The following PRELID2 variants were observed in gnomAD, a reference collection of about 807,000 sequenced individuals.
The protein encoded by PRELID2 is PRELI domain-containing protein 2.
A neutral mutation model predicts 28.4 loss-of-function variants in PRELID2; 25 were observed. The observed-to-expected ratio is 0.88, with a 90% CI of 0.64 to 1.23. The LOEUF is 1.23. Ranked by LOEUF, PRELID2 falls within the 50% of genes most tolerant of loss-of-function variation. PRELID2 has a pLI of 0.00. For missense variants in PRELID2, 201 were observed against 214.4 expected (o/e 0.94, Z 0.39); for synonymous variants, 76 against 71.6 (o/e 1.06, Z -0.31).
chr5:145,349,242 C>G, the PRELID2 span, among the ~76,000 whole-genome samples: 33,464 of 151,968 alleles, frequency 0.22, 3,950 homozygotes, highest in South Asian at 0.34. Context: ...TCAACTAAAC[C>G]CCCTTTTTGA....
At chr5:145,699,051 C>T (rs1318019275) in intron 1 of PRELID2, among the ~76,000 whole-genome samples, 1 of 152,164 alleles carries the variant, frequency 6.6e-6, no homozygotes, top group Non-Finnish European at 1.5e-5. Context: ...ATACCGTCAT[C>T]ACCTTGGGGT....
chr5:145,323,379 TAA>T, the PRELID2 span, among the ~76,000 whole-genome samples: 1 of 152,150 alleles, frequency 6.6e-6, no homozygotes. Flanking sequence ...GAGAAGCCAT[TAA>T]AGAGTGTTAA....
chr5:145,437,578 T>A, the PRELID2 span, among the ~76,000 whole-genome samples: 4 of 152,054 alleles, frequency 2.6e-5, no homozygotes, highest in Non-Finnish European at 5.9e-5. Context: ...TAGAAGACAG[T>A]ATTTCGTGGG....
chr5:145,301,628 G>C, the PRELID2 span, among the ~76,000 whole-genome samples: 1 of 152,018 alleles, frequency 6.6e-6, no homozygotes, highest in Non-Finnish European at 1.5e-5. Flanking sequence ...TAGAAGCTTT[G>C]TATTCTTAGC....
At chr5:145,617,735 T>G (rs1467348019) in intron 1 of PRELID2, among the ~76,000 whole-genome samples, 1 of 149,626 alleles carries the variant, frequency 6.7e-6, no homozygotes, top group East Asian at 2.0e-4. Context: ...TTCTTTCTTT[T>G]TTTTTTTTTT....
the PRELID2 span, among the ~76,000 whole-genome samples, chr5:145,463,457 T>G: frequency 2.6e-5 from 4 of 152,230 alleles, no homozygotes; most frequent in Non-Finnish European, 4.4e-5. Context: ...TTAATTAATT[T>G]TATAGAATTC....
the PRELID2 span, among the ~76,000 whole-genome samples, chr5:145,434,761 A>G: frequency 6.6e-6 from 1 of 152,180 alleles, no homozygotes; most frequent in Admixed American, 6.6e-5. Context: ...TAGTGAATAG[A>G]AGAATATATA....
the PRELID2 span, among the ~76,000 whole-genome samples, chr5:145,243,365 G>C: frequency 6.6e-6 from 1 of 151,914 alleles, no homozygotes; most frequent in African/African-American, 2.4e-5. Flanking sequence ...ATTTATGAAG[G>C]TATAGTCAGG....
intron 1 of PRELID2, among the ~76,000 whole-genome samples, chr5:145,657,201 A>G (rs940963031): frequency 6.6e-6 from 1 of 152,214 alleles, no homozygotes; most frequent in African/African-American, 2.4e-5. Flanking sequence ...GCATGCAAGG[A>G]TTTAGTGTTA....
chr5:145,485,130 A>G (rs931197098), intron 1 of PRELID2, among the ~76,000 whole-genome samples: 1 of 152,250 alleles, frequency 6.6e-6, no homozygotes, highest in African/African-American at 2.4e-5. Flanking sequence ...ATGCTACAAG[A>G]TAATAAAACT....
the PRELID2 span, among the ~76,000 whole-genome samples, chr5:145,421,929 T>G: frequency 9.7e-3 from 1,472 of 152,098 alleles, 29 homozygotes; most frequent in African/African-American, 0.034. Flanking sequence ...TCTGGTATGT[T>G]GTGTCTTTGT....
intron 1 of PRELID2, among the ~76,000 whole-genome samples, chr5:145,586,824 C>T (rs1169692309): frequency 6.6e-6 from 1 of 152,088 alleles, no homozygotes; most frequent in Non-Finnish European, 1.5e-5. Flanking sequence ...TGTTTGAGTT[C>T]AAATATATAG....
chr5:145,335,678 C>G, the PRELID2 span, among the ~76,000 whole-genome samples: 1 of 152,118 alleles, frequency 6.6e-6, no homozygotes, highest in East Asian at 1.9e-4. Context: ...ACTACCAAAA[C>G]CAATGGAATA....
At chr5:145,482,500 T>C (rs1022632030) in intron 1 of PRELID2, among the ~76,000 whole-genome samples, 3 of 152,084 alleles carry the variant, frequency 2.0e-5, no homozygotes, top group Admixed American at 6.6e-5. Flanking sequence ...TATTCTTAAG[T>C]GCCAGGTAAC....
chr5:145,541,493 C>A (rs553755588), intron 1 of PRELID2, among the ~76,000 whole-genome samples: 1 of 152,174 alleles, frequency 6.6e-6, no homozygotes, highest in Admixed American at 6.6e-5. Context: ...AGTTCATACA[C>A]TGAACCATTA....
At chr5:145,733,029 T>C (rs1756389289) in intron 1 of PRELID2, among the ~76,000 whole-genome samples, 1 of 148,386 alleles carries the variant, frequency 6.7e-6, no homozygotes, top group Non-Finnish European at 1.5e-5. Flanking sequence ...GAAGAATGGT[T>C]GAGCCCAGGA....
intron 1 of PRELID2, among the ~76,000 whole-genome samples, chr5:145,531,591 A>T (rs1752655521): frequency 6.6e-6 from 1 of 152,142 alleles, no homozygotes; most frequent in Admixed American, 6.5e-5. Context: ...AAGACAAGGA[A>T]TCTGGAAGGC....
chr5:145,824,330 A>G (rs1359429875), intron 1 of PRELID2, among the ~76,000 whole-genome samples: 1 of 152,094 alleles, frequency 6.6e-6, no homozygotes, highest in African/African-American at 2.4e-5. Context: ...GAGAAAGAAG[A>G]AAGGCCCCTC....
chr5:145,604,041 AAT>A (rs1267151878), intron 1 of PRELID2, among the ~76,000 whole-genome samples: 1 of 152,070 alleles, frequency 6.6e-6, no homozygotes, highest in Non-Finnish European at 1.5e-5. Context: ...ACTATATATA[AAT>A]ATCTTTTTTT....
Sources: allele counts gnomAD v4.1 joint callset (sites outside exome capture counted in the v4.1 genomes callset), GRCh38; gene constraint gnomAD v4.1.1; transcripts MANE v1.5; gene names NCBI Gene and HGNC (gene_info 2026-07-23, HGNC 2026-07-21).